Variants in SCN2A observed in about 807,000 individuals in gnomAD.
The protein encoded by SCN2A is sodium channel protein type 2 subunit alpha.
In SCN2A, 20 loss-of-function variants were observed where a neutral mutation model predicts 188.7. The ratio of observed to expected loss-of-function variants is 0.11; its 90% CI spans 0.07 to 0.15. SCN2A has a LOEUF of 0.15. SCN2A is among the 10% of genes least tolerant of loss of function. SCN2A has a pLI of 1.00. For missense variants in SCN2A, 1,278 were observed against 2,445.0 expected, an observed-to-expected ratio of 0.52 and a Z score of 10.07; for synonymous variants, 804 against 833.1, an observed-to-expected ratio of 0.97 and a Z score of 0.60.
intron 1 of SCN2A, among the ~76,000 whole-genome samples, chr2:165,289,003 C>T (rs1349996583): frequency 1.3e-5 from 2 of 152,022 alleles, no homozygotes; most frequent in African/African-American, 2.4e-5. Context: ...AAAAGACTTT[C>T]CTTAGTGTTT....
At position 165,258,646 on chromosome 2, in the gene SCN2A, C is replaced by T. The variant is rs560212770; in HGVS notation, c.-52+19006C>T. Among the ~76,000 whole-genome samples the T allele has an allele frequency of 2.6e-5, 4 of 152,306 alleles. No individual in the cohort carries two copies. In the East Asian group the frequency reaches 7.7e-4, roughly 29 times the overall value. The stretch of plus-strand genomic sequence containing the variant: ...GACACATGCACACCTATGTTCACTG[C>T]AGCACTGTTCACAATAGCAAAGACA... On this transcript the variant is annotated intron_variant, in intron 1 of 26. Coordinates refer to ENST00000375437, the MANE Select transcript of SCN2A (RefSeq NM_001040142.2).
At chr2:165,369,581 T>G (rs903158026) in intron 19 of SCN2A, among the ~76,000 whole-genome samples, 4 of 152,120 alleles carry the variant, frequency 2.6e-5, no homozygotes, top group African/African-American at 9.6e-5. Flanking sequence ...CCTCAGGAGT[T>G]CCTGCAAATG....
rs1559375201 is a variant in SCN2A at position 165,342,380 on chromosome 2, A to G, written c.2473A>G (p.Ile825Val). The G allele has an allele frequency of 6.2e-7, 1 of 1,613,984 alleles. No individual in the cohort carries two copies. Among genetic ancestry groups the G allele is most frequent in the Non-Finnish European group, 8.5e-7 (1 of 1,179,924 alleles). ...PYYYFQEGWN[I>V]FDGFIVSLSL... Reference sequence around the variant, plus strand: ...TTATTACTTTCAAGAAGGCTGGAATATTTTTGATGGTTTTATTGTGAGCCT... The same window carrying G: ...TTATTACTTTCAAGAAGGCTGGAATGTTTTTGATGGTTTTATTGTGAGCCT... Residue 825 changes from isoleucine to valine, a missense_variant, in exon 15 of 27, where the codon ATT becomes GTT. Ile to Val is a conservative substitution (Grantham distance 29). This residue lies in a region of SCN2A where 83 missense variants were observed against 256.8 expected (regional missense o/e 0.32). Coordinates refer to ENST00000375437, the MANE Select transcript of SCN2A (RefSeq NM_001040142.2).
intron 3 of SCN2A, among the ~76,000 whole-genome samples, chr2:165,297,687 C>A (rs1225022855): frequency 6.6e-6 from 1 of 152,180 alleles, no homozygotes; most frequent in Non-Finnish European, 1.5e-5. Flanking sequence ...TTCGCAACAG[C>A]CTTCTTATTG....
chr2:165,249,273 G>A (rs1032188621), intron 1 of SCN2A, among the ~76,000 whole-genome samples: 16 of 152,216 alleles, frequency 1.1e-4, no homozygotes, highest in Admixed American at 1.0e-3. Context: ...TCCTGCATAT[G>A]CTGTGTCCTG....
Position 165,353,676 on chromosome 2 carries a change from A to G in SCN2A, c.2920-516A>G, listed in dbSNP as rs984422142. Among the ~76,000 whole-genome samples, 76 of 152,136 alleles carry G rather than the reference A, an allele frequency of 5.0e-4. 4 individuals are homozygous for G. The highest frequency in any genetic ancestry group is 2.9e-5 in the Non-Finnish European group (2 of 68,006). On this transcript the variant is annotated intron_variant, in intron 16 of 26. Coordinates refer to ENST00000375437, the MANE Select transcript of SCN2A (RefSeq NM_001040142.2). The stretch of plus-strand genomic sequence containing the variant: ...CACATGATGAAAGCAGGAACAAGCA[A>G]GAGAGAATGTGGGCAGGAGGCACTA...
At chr2:165,345,341 A>G (rs1306166335) in intron 16 of SCN2A, among the ~76,000 whole-genome samples, 1 of 152,224 alleles carries the variant, frequency 6.6e-6, no homozygotes, top group Non-Finnish European at 1.5e-5. Context: ...AAACTATGGT[A>G]TGAGCAAGTA....
intron 1 of SCN2A, among the ~76,000 whole-genome samples, chr2:165,286,471 C>G (rs1368006356): frequency 6.6e-6 from 1 of 152,170 alleles, no homozygotes; most frequent in Admixed American, 6.5e-5. Context: ...TTAAAATATG[C>G]TTCCATATTC....
chr2:165,364,660 A>G (rs1251665949), intron 17 of SCN2A, among the ~76,000 whole-genome samples: 1 of 152,256 alleles, frequency 6.6e-6, no homozygotes, highest in African/African-American at 2.4e-5. Flanking sequence ...TTTCATGTCA[A>G]TGAAAAGTGG....
chr2:165,327,734 G>A (rs1381313344), intron 13 of SCN2A: 1 of 152,180 alleles, frequency 6.6e-6, no homozygotes, highest in East Asian at 1.9e-4. Flanking sequence ...AAACACTGAT[G>A]TATTTGGCAT....
intron 16 of SCN2A, among the ~76,000 whole-genome samples, chr2:165,348,698 T>C (rs759122811): frequency 2.0e-5 from 3 of 152,214 alleles, no homozygotes; most frequent in Non-Finnish European, 4.4e-5. Context: ...GCTGTCGAGA[T>C]GTTAGCTGAG....
chr2:165,268,114 A>G (rs1301385351), intron 1 of SCN2A: 1 of 151,976 alleles, frequency 6.6e-6, no homozygotes, highest in East Asian at 1.9e-4. Flanking sequence ...ACATTCAAAG[A>G]AGAATTGGTA....
At position 165,354,247 on chromosome 2, in the gene SCN2A, C is replaced by T. The variant is rs1309548488; in HGVS notation, c.2975C>T (p.Ala992Val). Residue 992 changes from alanine (A) to valine (V), a missense_variant, in exon 17 of 27, where the codon GCT (alanine) becomes GTT (valine). By Grantham distance (64) the Ala-to-Val change is moderately conservative. Around this residue, in one of 17 missense-constraint regions of SCN2A, gnomAD observed 5 missense variants for 19.9 expected, o/e 0.25. Coordinates refer to ENST00000375437, the MANE Select transcript of SCN2A (RefSeq NM_001040142.2). The stretch of plus-strand genomic sequence containing the variant: ...AGTTCCTTCAGTTCTGACAATCTTG[C>T]TGCCACTGATGATGATAACGAAATG... Reference protein sequence around the residue: ...LLSSFSSDNLAATDDDNEMNN... With the variant: ...LLSSFSSDNLVATDDDNEMNN... The T allele has an allele frequency of 1.2e-6, 2 of 1,613,922 alleles. No homozygotes were observed. Among genetic ancestry groups the T allele is most frequent in the Non-Finnish European group, 1.7e-6 (2 of 1,179,978 alleles).
At chr2:165,269,746 T>C (rs1484102972) in intron 1 of SCN2A, 2 of 152,048 alleles carry the variant, frequency 1.3e-5, no homozygotes, top group African/African-American at 4.8e-5. Flanking sequence ...CATAGGGAAA[T>C]ACTATATATG....
intron 21 of SCN2A, 103 bp downstream of exon 21, chr2:165,373,450 A>C: frequency 2.3e-6 from 3 of 1,301,636 alleles, no homozygotes; most frequent in Non-Finnish European, 3.3e-6. Flanking sequence ...TGTCTTACAC[A>C]TTCATACTGA....
intron 26 of SCN2A, 151 bp from the exon 27 acceptor site, chr2:165,388,478 C>T: frequency 9.1e-7 from 1 of 1,097,010 alleles, no homozygotes; most frequent in Non-Finnish European, 1.3e-6. Flanking sequence ...ATACCAGTTT[C>T]ATTTTGCTCA....
At chr2:165,338,261 C>CTTTT (rs71028478) in intron 14 of SCN2A, among the ~76,000 whole-genome samples, 39,972 of 138,720 alleles carry the variant, frequency 0.29, 6,297 homozygotes, top group Middle Eastern at 0.48. Flanking sequence ...AAGATTTGAA[C>CTTTT]TTTTTTTTTT....
In SCN2A at chr2:165,377,505, T is replaced by C. The variant is rs73969390; in HGVS notation, c.4255-92T>C. On this transcript the variant is annotated intron_variant, in intron 22 of 26. Coordinates refer to ENST00000375437, the MANE Select transcript of SCN2A (RefSeq NM_001040142.2). ...AGCTTATTTATATGCCTGTATTGAA[T>C]ACATGTCAAATAGAATTTTGATCAA... is the stretch of plus-strand genomic sequence containing the variant. 4,081 of 1,139,128 alleles carry C rather than the reference T, an allele frequency of 3.6e-3. 109 individuals are homozygous for C. In the African/African-American group the frequency reaches 0.056, roughly 16 times the overall value. The allele number at this position is 1,139,128 out of a possible 1,614,324, so 70.6% of individuals were successfully genotyped here. A position where few individuals can be genotyped will look rare whatever the true frequency, so the allele number is the denominator to read the frequency against.
At chr2:165,289,671 T>C (rs1271705773) in intron 1 of SCN2A, among the ~76,000 whole-genome samples, 1 of 152,126 alleles carries the variant, frequency 6.6e-6, no homozygotes, top group Non-Finnish European at 1.5e-5. Flanking sequence ...AACCTTATCC[T>C]GGGAAATGAG....
Sources: gnomAD v4.1 joint callset for allele counts (sites outside exome capture counted in the v4.1 genomes callset) on GRCh38, gnomAD v4.1.1 for gene constraint, gnomAD v4.1.1 regional missense constraint, MANE v1.5 for transcripts, NCBI Gene and HGNC (gene_info 2026-07-23, HGNC 2026-07-21) for gene names.